DENND6A: variants seen among roughly 807,000 people sequenced by gnomAD.
The protein encoded by DENND6A is DENN domain containing 6A, also known as protein DENND6A.
In DENND6A, 43 loss-of-function variants were observed where a neutral mutation model predicts 95.5. The ratio of observed to expected loss-of-function variants is 0.45; its 90% CI spans 0.35 to 0.58. The LOEUF is 0.58. Ranked by LOEUF, DENND6A falls within the 20% of genes least tolerant of loss-of-function variation. DENND6A has a pLI of 0.00. For missense variants in DENND6A, 574 were observed against 736.0 expected, an observed-to-expected ratio of 0.78 and a Z score of 2.55; for synonymous variants, 257 against 260.4, an observed-to-expected ratio of 0.99 and a Z score of 0.13.
In DENND6A at chr3:57,627,733, TG is replaced by T. The variant is rs1324728919; in HGVS notation, c.*480del. On this transcript the variant is annotated 3_prime_UTR_variant, in exon 20 of 20. Coordinates refer to ENST00000311128, the MANE Select transcript of DENND6A (RefSeq NM_152678.3). ...AGACTAGCAGCTGAACTGTGAAACATGTAGGACAACAGAAGGCACTACATAA... is the reference window on the plus strand; with the variant it reads ...AGACTAGCAGCTGAACTGTGAAACATTAGGACAACAGAAGGCACTACATAA... 1.3e-5 allele frequency: 2 copies of T among 153,382 alleles called. No individual in the cohort carries two copies. Among genetic ancestry groups the T allele is most frequent in the Non-Finnish European group, 2.9e-5 (2 of 68,532 alleles). 9.5% of individuals were successfully genotyped at this position (153,382 alleles called of 1,614,324 possible).
rs2071473799 is a variant in DENND6A, at chr3:57,663,707, C to G, written c.442G>C (p.Ala148Pro). The change falls in exon 5 of 20, where the codon GCT (alanine) becomes CCT (proline). Residue 148 changes from alanine (A) to proline (P), a missense_variant. Coordinates refer to ENST00000311128, the MANE Select transcript of DENND6A (RefSeq NM_152678.3). Reference protein sequence around the residue: ...DLPVYLKKDPAYFYGYVYFRQ... With the variant: ...DLPVYLKKDPPYFYGYVYFRQ... ...AAATACACATATCCATAAAAATAAGCAGGATCCTTCTAAGAAGAAAGTGAC... is the reference window on the plus strand; with the variant it reads ...AAATACACATATCCATAAAAATAAGGAGGATCCTTCTAAGAAGAAAGTGAC... 1 of 1,571,246 alleles carries G rather than the reference C, an allele frequency of 6.4e-7. No individual in the cohort carries two copies. Among genetic ancestry groups the G allele is most frequent in the Non-Finnish European group, 8.6e-7 (1 of 1,156,436 alleles).
chr3:57,635,036 A>G (rs2070761868), intron 12 of DENND6A, among the ~76,000 whole-genome samples: 1 of 152,196 alleles, frequency 6.6e-6, no homozygotes, highest in Non-Finnish European at 1.5e-5. Context: ...CATTACTTAA[A>G]TTTTTCCCTT....
chr3:57,670,019 CAAAAAAA>C lies in DENND6A; in HGVS notation c.319+2230_319+2236del, dbSNP rs780880587. Among the ~76,000 whole-genome samples the C allele has an allele frequency of 2.0e-3, 115 of 57,766 alleles. 4 individuals are homozygous for C. The highest frequency in any genetic ancestry group is 5.1e-3 in the South Asian group (9 of 1,780). The allele number at this position is 57,766 out of a possible 152,430, so 37.9% of individuals were successfully genotyped here. On this transcript the variant is annotated intron_variant, in intron 3 of 19. Coordinates refer to ENST00000311128, the MANE Select transcript of DENND6A (RefSeq NM_152678.3). Reference sequence around the variant, plus strand: ...TGGGTGACAGAGCAAAACTCCATCTCAAAAAAAAAAAAAAAAAAGAAAAAAGAAAAAA... The same window carrying C: ...TGGGTGACAGAGCAAAACTCCATCTCAAAAAAAAAAAGAAAAAAGAAAAAA...
chr3:57,651,439 TTAAATG>T (rs2071208385), intron 9 of DENND6A, among the ~76,000 whole-genome samples: 1 of 152,092 alleles, frequency 6.6e-6, no homozygotes, highest in Non-Finnish European at 1.5e-5. Flanking sequence ...ATGATTCTAG[TTAAATG>T]TAATGTCCAA....
chr3:57,691,369 G>A (rs982507223), intron 1 of DENND6A, among the ~76,000 whole-genome samples: 12 of 152,100 alleles, frequency 7.9e-5, no homozygotes, highest in African/African-American at 2.9e-4. Flanking sequence ...ATGCCACTAG[G>A]TGCCAGGCAC....
intron 1 of DENND6A, among the ~76,000 whole-genome samples, chr3:57,689,190 T>C (rs2153417713): frequency 6.6e-6 from 1 of 152,102 alleles, no homozygotes; most frequent in Middle Eastern, 3.4e-3. Flanking sequence ...CTTGACCTCG[T>C]GATCTGCCCG....
rs1169035372 is a variant in DENND6A at position 57,673,241 on chromosome 3, AAG to A, written c.238-805_238-804del. Among the ~76,000 whole-genome samples, 814 of 149,924 alleles carry A rather than the reference AAG, an allele frequency of 5.4e-3. 6 individuals are homozygous for A. Among genetic ancestry groups the A allele is most frequent in the African/African-American group, 0.018 (751 of 40,824 alleles). On this transcript the variant is annotated intron_variant, in intron 1 of 19. Transcript: ENST00000311128. ...AAAAAAAAAAAAAAAAAGAAAGAAA[AAG>A]AAAAAAAAAAAATAATGAAATCCTG... is the stretch of plus-strand genomic sequence containing the variant.
chr3:57,630,250 AT>A lies in DENND6A; in HGVS notation c.1620+170del, dbSNP rs2070635998. On this transcript the variant is annotated intron_variant, in intron 18 of 19. Coordinates refer to ENST00000311128, the MANE Select transcript of DENND6A (RefSeq NM_152678.3). Reference sequence around the variant, plus strand: ...ATCATTGTAAAGATTAAAAGAGATTATCTATATAAAGCCCCTATAATGTCCT... The same window carrying A: ...ATCATTGTAAAGATTAAAAGAGATTACTATATAAAGCCCCTATAATGTCCT... 4.1e-4 allele frequency: 70 copies of A among 171,604 alleles called. 2 individuals are homozygous for A. In the South Asian group the frequency reaches 0.011, roughly 28 times the overall value. 10.6% of individuals were successfully genotyped at this position (171,604 alleles called of 1,614,324 possible). A position where few individuals can be genotyped will look rare whatever the true frequency, so the allele number is the denominator to read the frequency against.
In DENND6A at chr3:57,692,653, G is replaced by A. The variant is rs534100895; in HGVS notation, c.237+129C>T. ...GACCGCAGCCCGAAAGAGCGCGGGA[G>A]GGGAGACTGGCCACGCCCGGATGCG... On this transcript the variant is annotated intron_variant, in intron 1 of 19. Coordinates refer to ENST00000311128, the MANE Select transcript of DENND6A (RefSeq NM_152678.3). 4 of 806,086 alleles carry A rather than the reference G, an allele frequency of 5.0e-6. No individual in the cohort carries two copies. In the African/African-American group the frequency reaches 5.5e-5, roughly 11 times the overall value. 49.9% of individuals were successfully genotyped at this position (806,086 alleles called of 1,614,324 possible).
At chr3:57,672,528 A>C in intron 1 of DENND6A, 90 bp from the exon 2 acceptor site, 1 of 1,349,710 alleles carries the variant, frequency 7.4e-7, no homozygotes, top group Non-Finnish European at 1.0e-6. Flanking sequence ...CACGCTGGTA[A>C]TCCCAGCACT....
chr3:57,668,297 C>T (rs1407443318), intron 3 of DENND6A, among the ~76,000 whole-genome samples: 1 of 152,070 alleles, frequency 6.6e-6, no homozygotes, highest in Non-Finnish European at 1.5e-5. Context: ...TGTGTTGAGA[C>T]GAATATTGTC....
At chr3:57,663,463 C>CA (rs1189672713) in intron 5 of DENND6A, among the ~76,000 whole-genome samples, 173 bp downstream of exon 5, 5,215 of 51,828 alleles carry the variant, frequency 0.1, 421 homozygotes, top group Middle Eastern at 0.27. Context: ...GACTCCACCT[C>CA]AAAAAAAAAA....
chr3:57,671,756 CA>C (rs1437846632), intron 3 of DENND6A, among the ~76,000 whole-genome samples: 3 of 152,240 alleles, frequency 2.0e-5, no homozygotes, highest in African/African-American at 7.2e-5. Context: ...CAACAATAAA[CA>C]GACCCTTGTA....
intron 15 of DENND6A, 117 bp from the exon 16 acceptor site, chr3:57,631,095 C>A (rs957517580): frequency 2.5e-6 from 2 of 793,658 alleles, no homozygotes; most frequent in Admixed American, 5.3e-5. Flanking sequence ...TGGACAGCAA[C>A]AACTCCATCA....
intron 1 of DENND6A, among the ~76,000 whole-genome samples, chr3:57,686,498 T>A (rs1245078388): frequency 6.6e-6 from 1 of 152,230 alleles, no homozygotes; most frequent in African/African-American, 2.4e-5. Context: ...TTCTACAAAT[T>A]ACAGGTTTGT....
At chr3:57,640,504 A>C (rs576330058) in intron 12 of DENND6A, among the ~76,000 whole-genome samples, 4 of 150,130 alleles carry the variant, frequency 2.7e-5, no homozygotes, top group Non-Finnish European at 5.9e-5. Flanking sequence ...GAGGCAGGAG[A>C]AACACTTGAA....
Position 57,686,657 on chromosome 3 carries a change from C to T in DENND6A, c.237+6125G>A, listed in dbSNP as rs559263059. On this transcript the variant is annotated intron_variant, in intron 1 of 19. Coordinates refer to ENST00000311128, the MANE Select transcript of DENND6A (RefSeq NM_152678.3). ...GTTACAGTGGTCTGTGATAAGTTAT[C>T]TTTGATGTTACTATTGTAATTGTTT... Among the ~76,000 whole-genome samples the T allele has an allele frequency of 2.0e-3, 307 of 152,236 alleles. 7 individuals carry two copies. The South Asian group carries it at 0.037, about 19-fold the overall frequency.
intron 1 of DENND6A, 108 bp from the exon 2 acceptor site, chr3:57,672,546 C>T: frequency 8.7e-7 from 1 of 1,150,790 alleles, no homozygotes; most frequent in African/African-American, 1.6e-5. Flanking sequence ...ACTTTGGGAG[C>T]CCAAGGCAGG....
chr3:57,634,474 G>T, intron 14 of DENND6A, 84 bp downstream of exon 14: 16 of 615,482 alleles, frequency 2.6e-5, no homozygotes, highest in Non-Finnish European at 3.7e-5. Flanking sequence ...TTTCACATTA[G>T]TATACATAAA....
Sources: allele counts gnomAD v4.1 joint callset (sites outside exome capture counted in the v4.1 genomes callset), GRCh38; gene constraint gnomAD v4.1.1; transcripts MANE v1.5; gene names NCBI Gene and HGNC (gene_info 2026-07-23, HGNC 2026-07-21).